The following TRMT10B variants were observed in gnomAD, a reference collection of about 807,000 sequenced individuals.
TRMT10B encodes tRNA methyltransferase 10 homolog B.
Under a neutral mutation model 43.8 loss-of-function variants are expected in TRMT10B, and 33 were observed. That is an observed-to-expected ratio of 0.75 (90% CI 0.57 to 1.01). The LOEUF (loss-of-function observed/expected upper bound fraction) is 1.01. Among genes scored for constraint, TRMT10B ranks in the 50% least tolerant of loss-of-function variants. The probability of loss-of-function intolerance (pLI) is 0.00; values close to 1 mark genes in which losing one functional copy is unlikely to be tolerated. For synonymous variants in TRMT10B, 137 were observed against 130.6 expected, an observed-to-expected ratio of 1.05 and a Z score of -0.34; for missense variants, 362 against 369.8, an observed-to-expected ratio of 0.98 and a Z score of 0.17.
chr9:37,764,836 A>C (rs1428581089), intron 4 of TRMT10B, among the ~76,000 whole-genome samples: 1 of 152,154 alleles, frequency 6.6e-6, no homozygotes, highest in Non-Finnish European at 1.5e-5. Context: ...GACAGATGAG[A>C]TTCACAGCAG....
intron 8 of TRMT10B, 128 bp from the exon 9 acceptor site, chr9:37,777,473 G>T: frequency 1.4e-6 from 1 of 721,072 alleles, no homozygotes; most frequent in Non-Finnish European, 2.3e-6. Context: ...GCCTCTCCCC[G>T]CAAGACCTTA....
At chr9:37,754,808 A>G (rs1825436334) in intron 1 of TRMT10B, among the ~76,000 whole-genome samples, 1 of 152,238 alleles carries the variant, frequency 6.6e-6, no homozygotes, top group South Asian at 2.1e-4. Flanking sequence ...AAGATGTTTA[A>G]TGAAGAAATG....
intron 8 of TRMT10B, among the ~76,000 whole-genome samples, chr9:37,776,902 CAAAA>C (rs60979956): frequency 1.4e-5 from 2 of 142,608 alleles, no homozygotes; most frequent in South Asian, 4.5e-4. Flanking sequence ...GTCTCAAAAA[CAAAA>C]AAAAAAGCTG....
At chr9:37,774,133 C>T (rs1827884792) in intron 7 of TRMT10B, among the ~76,000 whole-genome samples, 1 of 152,062 alleles carries the variant, frequency 6.6e-6, no homozygotes, top group South Asian at 2.1e-4. Flanking sequence ...CCTCAGCTTC[C>T]CAAGTAGCTG....
upstream of TRMT10B, among the ~76,000 whole-genome samples, chr9:37,752,992 C>A (rs1022949502): frequency 6.6e-6 from 1 of 152,144 alleles, no homozygotes; most frequent in African/African-American, 2.4e-5. Flanking sequence ...TCCCTACTGT[C>A]TTTGTGAGCT....
Position 37,753,865 on chromosome 9 carries a change from C to T in TRMT10B, c.-30+13C>T. On this transcript the variant is annotated intron_variant, in intron 1 of 8. Coordinates refer to ENST00000297994, the MANE Select transcript of TRMT10B (RefSeq NM_144964.4). ...GTGAGGGGATCAGGTACGCTGTCCGCTGGTTAAGGGGGCTGGCTGGGGGCT... is the reference window on the plus strand; with the variant it reads ...GTGAGGGGATCAGGTACGCTGTCCGTTGGTTAAGGGGGCTGGCTGGGGGCT... 6.6e-6 allele frequency: 1 copy of T among 152,436 alleles called. No individual in the cohort carries two copies. Among genetic ancestry groups the T allele is most frequent in the Non-Finnish European group, 1.5e-5 (1 of 68,144 alleles). The allele number at this position is 152,436 out of a possible 1,614,324, so 9.4% of individuals were successfully genotyped here.
Position 37,770,011 on chromosome 9 carries a change from C to A in TRMT10B, c.644C>A (p.Ser215Ter). 1 of 1,613,000 alleles carries A rather than the reference C, an allele frequency of 6.2e-7. No homozygotes were observed. Among genetic ancestry groups the A allele is most frequent in the South Asian group, 1.1e-5 (1 of 91,060 alleles). The change falls in exon 6 of 9, where the codon TCA becomes TAA. Residue 215 changes from serine (S) to a stop codon, truncating the protein, a stop_gained. Transcript: ENST00000297994. LOFTEE classifies it high-confidence loss of function. ...LETLVYLTPD[S>*]EHALEDVDLN... The stretch of plus-strand genomic sequence containing the variant: ...ACCCTTGTGTACCTGACTCCTGACT[C>A]AGAACACGGTATGTAGTTGAATGCA...
chr9:37,764,314 AATTT>A (rs1221446916), intron 4 of TRMT10B, among the ~76,000 whole-genome samples: 2 of 132,264 alleles, frequency 1.5e-5, no homozygotes, highest in Non-Finnish European at 3.3e-5. Context: ...ACGCCTGACA[AATTT>A]TTTTTTTTTT....
chr9:37,769,947 A>AT lies in TRMT10B; in HGVS notation c.581dup (p.Thr195AsnfsTer7). The AT allele has an allele frequency of 1.2e-6, 2 of 1,614,056 alleles. No individual in the cohort carries two copies. The highest frequency in any genetic ancestry group is 1.7e-6 in the Non-Finnish European group (2 of 1,179,914). On this transcript the variant is annotated frameshift_variant, in exon 6 of 9. Transcript: ENST00000297994. LOFTEE classifies it high-confidence loss of function. Reference sequence around the variant, plus strand: ...GACTGTTTGCATTTTCCAGTTAGACATAACAGAAGAAGACTGCTTTAGTTT... The same window carrying AT: ...GACTGTTTGCATTTTCCAGTTAGACATTAACAGAAGAAGACTGCTTTAGTTT...
chr9:37,756,229 G>T (rs1045647955), intron 1 of TRMT10B, among the ~76,000 whole-genome samples: 1 of 152,168 alleles, frequency 6.6e-6, no homozygotes, highest in East Asian at 1.9e-4. Flanking sequence ...TAACAAATGG[G>T]TGTTGGTTTT....
At chr9:37,776,191 C>T (rs1828120425) in intron 7 of TRMT10B, 91 bp from the exon 8 acceptor site, 2 of 1,109,162 alleles carry the variant, frequency 1.8e-6, no homozygotes, top group Non-Finnish European at 2.4e-6. Flanking sequence ...TTCCATTCCA[C>T]AATAGGCTAC....
At chr9:37,763,938 A>G (rs1486038374) in intron 4 of TRMT10B, 185 bp downstream of exon 4, 1 of 1,258,364 alleles carries the variant, frequency 7.9e-7, no homozygotes, top group Non-Finnish European at 1.1e-6. Context: ...GGAAGAGAAT[A>G]TATATAGTTT....
chr9:37,777,986 C>A lies in TRMT10B; in HGVS notation c.*279C>A, dbSNP rs1163672883. On this transcript the variant is annotated 3_prime_UTR_variant, in exon 9 of 9. Transcript: ENST00000297994. ...CACCAGTGCACTCCAGCCTGGGTGA[C>A]AGAGCAAGACTCCATCTCAAAAAAA... 1.2e-5 allele frequency: 3 copies of A among 242,506 alleles called. No individual in the cohort carries two copies. The highest frequency in any genetic ancestry group is 6.4e-5 in the South Asian group (1 of 15,646). 15.0% of individuals were successfully genotyped at this position (242,506 alleles called of 1,614,324 possible).
At chr9:37,769,795 G>A (rs912543635) in intron 5 of TRMT10B, 146 bp from the exon 6 acceptor site, 8 of 705,276 alleles carry the variant, frequency 1.1e-5, no homozygotes, top group Admixed American at 2.0e-5. Flanking sequence ...TAGAGACTGG[G>A]TTTCACCATG....
Position 37,777,719 on chromosome 9 carries a change from T to C in TRMT10B, c.*12T>C, listed in dbSNP as rs1203130191. 5 of 1,609,320 alleles carry C rather than the reference T, an allele frequency of 3.1e-6. No individual in the cohort carries two copies. Among genetic ancestry groups the C allele is most frequent in the African/African-American group, 1.3e-5 (1 of 74,906 alleles). ...ACTCAGTGGAATGATGGGCCTAAGA[T>C]TGCAGCTGCGTGGCCAGGTGCTCAC... On this transcript the variant is annotated 3_prime_UTR_variant, in exon 9 of 9. Transcript: ENST00000297994.
At chr9:37,759,914 G>C (rs963571766) in intron 1 of TRMT10B, among the ~76,000 whole-genome samples, 4 of 152,300 alleles carry the variant, frequency 2.6e-5, no homozygotes, top group South Asian at 2.1e-4. Context: ...CATTGAGTTA[G>C]TATATTTTAC....
intron 7 of TRMT10B, among the ~76,000 whole-genome samples, chr9:37,772,815 T>A (rs1239914105): frequency 1.3e-5 from 2 of 152,014 alleles, no homozygotes; most frequent in African/African-American, 4.8e-5. Context: ...TGAGAACCTA[T>A]CTCTACAAAA....
At chr9:37,756,767 C>T (rs1433647358) in intron 1 of TRMT10B, among the ~76,000 whole-genome samples, 1 of 151,202 alleles carries the variant, frequency 6.6e-6, no homozygotes, top group Admixed American at 6.6e-5. Context: ...TATATATACA[C>T]ATATATACAT....
At chr9:37,761,296 TATC>T (rs757386246) in intron 1 of TRMT10B, among the ~76,000 whole-genome samples, 45 of 152,316 alleles carry the variant, frequency 3.0e-4, no homozygotes, top group Non-Finnish European at 5.9e-4. Context: ...CCTCAAATCA[TATC>T]ATGCATTTTA....
Sources: gnomAD v4.1 joint callset for allele counts (sites outside exome capture counted in the v4.1 genomes callset) on GRCh38, gnomAD v4.1.1 for gene constraint, MANE v1.5 for transcripts, NCBI Gene and HGNC (gene_info 2026-07-23, HGNC 2026-07-21) for gene names.